Variants in AGBL1 observed in about 807,000 individuals in gnomAD.
The protein encoded by AGBL1 is cytosolic carboxypeptidase 4.
In AGBL1, 130 loss-of-function variants were observed where a neutral mutation model predicts 118.9. The ratio of observed to expected loss-of-function variants is 1.09; its 90% CI spans 0.95 to 1.26. The LOEUF is 1.26. Ranked by LOEUF, AGBL1 falls within the 50% of genes most tolerant of loss-of-function variation. The pLI is 0.00. For synonymous variants in AGBL1, 555 were observed against 478.9 expected, an observed-to-expected ratio of 1.16 and a Z score of -2.08; for missense variants, 1,584 against 1,298.1, an observed-to-expected ratio of 1.22 and a Z score of -3.38.
intron 17 of AGBL1, among the ~76,000 whole-genome samples, chr15:86,324,281 G>A (rs1252662730): frequency 6.6e-6 from 1 of 152,156 alleles, no homozygotes; most frequent in Admixed American, 6.5e-5. Flanking sequence ...ATAAAGAAGG[G>A]AGCTTAAAAC....
At position 86,139,999 on chromosome 15, in the gene AGBL1, G is replaced by C. The variant is rs560458381; in HGVS notation, c.52-2005G>C. 5 of 164,588 alleles carry C rather than the reference G, an allele frequency of 3.0e-5. No homozygotes were observed. In the East Asian group the frequency reaches 8.0e-4, roughly 26 times the overall value. 10.2% of individuals were successfully genotyped at this position (164,588 alleles called of 1,614,324 possible). ...CTCCTCCACCTTCATGATCTAAATG[G>C]GTGGGCGGGACATGATGTGGAGAGC... On this transcript the variant is annotated intron_variant, in intron 1 of 22. Coordinates refer to ENST00000614907, the MANE Select transcript of AGBL1 (RefSeq NM_001386094.1).
intron 18 of AGBL1, among the ~76,000 whole-genome samples, chr15:86,471,129 T>C (rs1206377621): frequency 6.6e-6 from 1 of 152,162 alleles, no homozygotes; most frequent in Non-Finnish European, 1.5e-5. Flanking sequence ...CTTTCACTTT[T>C]TTACCACTGA....
intron 21 of AGBL1, among the ~76,000 whole-genome samples, chr15:86,657,292 G>C (rs561205024): frequency 6.6e-5 from 10 of 152,268 alleles, no homozygotes; most frequent in Non-Finnish European, 1.3e-4. Flanking sequence ...GCCAGCCCCG[G>C]TAAGAGCTCG....
Position 86,554,439 on chromosome 15 carries a change from G to C in AGBL1, c.2896G>C (p.Ala966Pro). The C allele has an allele frequency of 6.3e-7, 1 of 1,588,056 alleles. No individual in the cohort carries two copies. Among genetic ancestry groups the C allele is most frequent in the Non-Finnish European group, 8.6e-7 (1 of 1,167,054 alleles). The part of the protein sequence containing the change: ...SCSFLVEKSR[A>P]STARVVVWRE... ...CAGCTTTCTCGTGGAGAAATCTCGA[G>C]CTTCCACGGCCCGGGTGGTGGTGTG... Residue 966 changes from alanine to proline, a missense_variant, in exon 21 of 23, where the codon GCT (alanine) becomes CCT (proline). Transcript: ENST00000614907.
intron 5 of AGBL1, among the ~76,000 whole-genome samples, chr15:86,175,163 G>C (rs1007630155): frequency 2.6e-5 from 4 of 151,600 alleles, no homozygotes; most frequent in African/African-American, 9.7e-5. Context: ...TTGTTGTTAG[G>C]GGACTTTTTA....
chr15:86,478,629 A>C (rs1026834540), intron 18 of AGBL1, among the ~76,000 whole-genome samples: 3 of 152,236 alleles, frequency 2.0e-5, no homozygotes, highest in Non-Finnish European at 4.4e-5. Flanking sequence ...GATAGGAAGA[A>C]TCAATATCAT....
intron 1 of AGBL1, among the ~76,000 whole-genome samples, chr15:86,104,227 C>G (rs7166288): frequency 0.025 from 3,793 of 152,224 alleles, 97 homozygotes; most frequent in Middle Eastern, 0.095. Context: ...CTCTGGCCCT[C>G]TGGTAGTGCA....
chr15:86,252,248 T>A (rs2078828633), intron 7 of AGBL1, among the ~76,000 whole-genome samples: 1 of 152,196 alleles, frequency 6.6e-6, no homozygotes. Flanking sequence ...AGGCCAAGCC[T>A]TGATTCATCA....
intron 22 of AGBL1, among the ~76,000 whole-genome samples, chr15:86,856,237 T>C (rs143437078): frequency 6.6e-6 from 1 of 152,198 alleles, no homozygotes; most frequent in African/African-American, 2.4e-5. Context: ...GGCTGAGATG[T>C]TATCTGTGAG....
rs78409218 is a variant in AGBL1, at chr15:86,588,393, G to A, written c.2994+33856G>A. 3.7e-3 allele frequency among the ~76,000 whole-genome samples: 568 copies of A among 152,278 alleles called. 27 individuals are homozygous for A. The East Asian group carries it at 0.084, about 23-fold the overall frequency. On this transcript the variant is annotated intron_variant, in intron 21 of 22. Coordinates refer to ENST00000614907, the MANE Select transcript of AGBL1 (RefSeq NM_001386094.1). Reference sequence around the variant, plus strand: ...GTAATTCTACTGTCCTAAACAACGAGATATGCCTCCCCACTCCTGCCCCTA... The same window carrying A: ...GTAATTCTACTGTCCTAAACAACGAAATATGCCTCCCCACTCCTGCCCCTA...
rs541556513 is a variant in AGBL1, at chr15:86,391,553, C to T, written c.2375-5813C>T. ...TTGAAATCAAACCTGCTCTCCTGGC[C>T]ATTTCTTCTACCCCTTAATCCCACT... On this transcript the variant is annotated intron_variant, in intron 17 of 22. Transcript: ENST00000614907. Among the ~76,000 whole-genome samples the T allele has an allele frequency of 1.1e-4, 16 of 151,512 alleles. No individual in the cohort carries two copies. The South Asian group carries it at 3.3e-3, about 32-fold the overall frequency.
At position 86,771,743 on chromosome 15, in the gene AGBL1, C is replaced by T. The variant is rs143560592; in HGVS notation, c.3158+97307C>T. Among the ~76,000 whole-genome samples, 258 of 152,024 alleles carry T rather than the reference C, an allele frequency of 1.7e-3. 1 individual carries two copies. The highest frequency in any genetic ancestry group is 5.9e-3 in the African/African-American group (247 of 41,528). On this transcript the variant is annotated intron_variant, in intron 22 of 22. Coordinates refer to ENST00000614907, the MANE Select transcript of AGBL1 (RefSeq NM_001386094.1). ...CTTTCACAAATGTAGTTGTCTTTCTCCTTAATTATTTTTTTCTCCAATGAA... is the reference window on the plus strand; with the variant it reads ...CTTTCACAAATGTAGTTGTCTTTCTTCTTAATTATTTTTTTCTCCAATGAA...
At chr15:86,926,190 C>T (rs2080537539) in intron 23 of AGBL1, among the ~76,000 whole-genome samples, 1 of 152,152 alleles carries the variant, frequency 6.6e-6, no homozygotes, top group South Asian at 2.1e-4. Context: ...GGTCTGTAAG[C>T]CTCTGTCTAT....
chr15:86,278,543 G>A (rs2079296123), intron 15 of AGBL1, among the ~76,000 whole-genome samples: 2 of 152,186 alleles, frequency 1.3e-5, no homozygotes, highest in Non-Finnish European at 1.5e-5. Flanking sequence ...TGGCATGAAA[G>A]TAGCAAAAAG....
At chr15:86,347,163 G>C (rs2080550739) in intron 17 of AGBL1, among the ~76,000 whole-genome samples, 1 of 152,192 alleles carries the variant, frequency 6.6e-6, no homozygotes, top group South Asian at 2.1e-4. Context: ...GTAAGATTTT[G>C]TAACTCTTTT....
At chr15:86,702,136 A>T (rs1029095172) in intron 22 of AGBL1, among the ~76,000 whole-genome samples, 2 of 152,180 alleles carry the variant, frequency 1.3e-5, no homozygotes, top group East Asian at 3.9e-4. Flanking sequence ...AAATGTAAAT[A>T]TCAGAGTATT....
Position 86,608,864 on chromosome 15 carries a change from A to C in AGBL1, c.2994+54327A>C, listed in dbSNP as rs144901183. ...TTGGACCCTGTGAGCATCATGAAACATATCTATAAATGAGATCTGGCCTAT... is the reference window on the plus strand; with the variant it reads ...TTGGACCCTGTGAGCATCATGAAACCTATCTATAAATGAGATCTGGCCTAT... On this transcript the variant is annotated intron_variant, in intron 21 of 22. Transcript: ENST00000614907. Among the ~76,000 whole-genome samples the C allele has an allele frequency of 7.3e-4, 111 of 152,260 alleles. 2 individuals are homozygous for C. The highest frequency in any genetic ancestry group is 6.8e-3 in the Middle Eastern group (2 of 294).
intron 21 of AGBL1, among the ~76,000 whole-genome samples, chr15:86,566,811 T>C (rs1469387819): frequency 6.6e-6 from 1 of 152,178 alleles, no homozygotes; most frequent in Non-Finnish European, 1.5e-5. Flanking sequence ...TGGTTTTTAA[T>C]AATAGATGTA....
At chr15:86,958,640 C>T (rs899633771) in intron 23 of AGBL1, among the ~76,000 whole-genome samples, 5 of 152,090 alleles carry the variant, frequency 3.3e-5, no homozygotes, top group African/African-American at 1.2e-4. Flanking sequence ...TGTAAAGACT[C>T]AGTTGAAAAG....
Sources: gnomAD v4.1 joint callset for allele counts (sites outside exome capture counted in the v4.1 genomes callset) on GRCh38, gnomAD v4.1.1 for gene constraint, MANE v1.5 for transcripts, NCBI Gene and HGNC (gene_info 2026-07-23, HGNC 2026-07-21) for gene names.